The following DOCK10 variants were observed in gnomAD, a reference collection of about 807,000 sequenced individuals.
The protein encoded by DOCK10 is dedicator of cytokinesis protein 10.
In DOCK10, 145 loss-of-function variants were observed where a neutral mutation model predicts 280.1. The observed-to-expected ratio is 0.52, with a 90% CI of 0.45 to 0.59. The LOEUF is 0.59. DOCK10 is among the 20% of genes least tolerant of loss of function. The pLI is 0.00. For synonymous variants in DOCK10, 915 were observed against 942.2 expected (o/e 0.97, Z 0.53); for missense variants, 2,368 against 2,651.7 (o/e 0.89, Z 2.35).
intron 2 of DOCK10, among the ~76,000 whole-genome samples, chr2:224,926,195 G>A (rs1460439092): frequency 2.0e-5 from 3 of 152,188 alleles, no homozygotes; most frequent in Admixed American, 6.5e-5. Context: ...ATACAAGGAG[G>A]ACTAGCTTCT....
rs755172161 is a variant in DOCK10 at position 224,773,362 on chromosome 2, T to C, written c.6014-15A>G. ...CAGGTGACTCGCTGTACAAAAGCCA[T>C]ACAAAGGGATTTCAAGGTTGAGGAT... is the stretch of plus-strand genomic sequence containing the variant. On this transcript the variant is annotated splice_polypyrimidine_tract_variant and intron_variant, in intron 52 of 55. Coordinates refer to ENST00000258390, the MANE Select transcript of DOCK10 (RefSeq NM_014689.3). 9 of 1,596,456 alleles carry C rather than the reference T, an allele frequency of 5.6e-6. No homozygotes were observed. In the South Asian group the frequency reaches 8.9e-5, roughly 16 times the overall value.
At chr2:224,814,511 G>A in intron 30 of DOCK10, 147 bp from the exon 31 acceptor site, 2 of 443,028 alleles carry the variant, frequency 4.5e-6, no homozygotes, top group Middle Eastern at 5.9e-4. Context: ...CAAGGAGAAT[G>A]TCTTAGGTTA....
chr2:224,926,685 C>T (rs1310475042), intron 2 of DOCK10, among the ~76,000 whole-genome samples: 1 of 152,178 alleles, frequency 6.6e-6, no homozygotes, highest in African/African-American at 2.4e-5. Context: ...TGTGCCAAAG[C>T]AGGAAGTATT....
chr2:224,964,114 C>T (rs1184951336), intron 1 of DOCK10, among the ~76,000 whole-genome samples: 1 of 151,088 alleles, frequency 6.6e-6, no homozygotes, highest in Non-Finnish European at 1.5e-5. Context: ...AGGGTGTTAG[C>T]ACAGGTGAGA....
At chr2:224,774,762 T>G (rs1484406174) in intron 52 of DOCK10, 143 bp downstream of exon 52, 1 of 758,340 alleles carries the variant, frequency 1.3e-6, no homozygotes, top group East Asian at 2.7e-5. Flanking sequence ...GGAAATCTCT[T>G]CTTGGCAAAC....
At chr2:224,985,277 T>G (rs1705941775) in intron 1 of DOCK10, among the ~76,000 whole-genome samples, 1 of 152,028 alleles carries the variant, frequency 6.6e-6, no homozygotes, top group Non-Finnish European at 1.5e-5. Context: ...TTGTCTTAGA[T>G]TAGGAAATAA....
intron 13 of DOCK10, among the ~76,000 whole-genome samples, chr2:224,863,600 C>A (rs552457868): frequency 1.3e-5 from 2 of 152,152 alleles, no homozygotes; most frequent in African/African-American, 4.8e-5. Context: ...CTACAGGCGC[C>A]CGCCACCACG....
intron 7 of DOCK10, among the ~76,000 whole-genome samples, chr2:224,879,735 G>A (rs1000948468): frequency 1.3e-5 from 2 of 151,748 alleles, no homozygotes; most frequent in Non-Finnish European, 2.9e-5. Context: ...TCCCAGCCTG[G>A]GTGACAGAGC....
rs377561860 is a variant in DOCK10 at position 224,814,343 on chromosome 2, G to A, written c.3386C>T (p.Ser1129Leu). The change falls in exon 31 of 56, where the codon TCG becomes TTG. Residue 1129 changes from serine (S) to leucine (L), a missense_variant. By Grantham distance (145) the Ser-to-Leu change is moderately radical. Transcript: ENST00000258390. ...NIPDPLTPSE[S>L]TQELHASDMP... is the part of the protein sequence containing the mutation. ...ACCTGATGCATGTAACTCTTGAGTC[G>A]ATTCTGAAGGTGTCAAAGGATCTGA... 10 of 1,532,994 alleles carry A rather than the reference G, an allele frequency of 6.5e-6. No individual in the cohort carries two copies. The highest frequency in any genetic ancestry group is 8.8e-6 in the Non-Finnish European group (10 of 1,139,292). 95.0% of individuals were successfully genotyped at this position (1,532,994 alleles called of 1,614,324 possible). A position where few individuals can be genotyped will look rare whatever the true frequency, so the allele number is the denominator to read the frequency against.
At chr2:224,947,112 T>A (rs556476846) in intron 1 of DOCK10, 3 of 1,311,204 alleles carry the variant, frequency 2.3e-6, no homozygotes, top group Non-Finnish European at 3.0e-6. Context: ...AGGAAAGCTG[T>A]CAAGTTACCA....
intron 28 of DOCK10, among the ~76,000 whole-genome samples, chr2:224,820,662 C>A (rs1190662966): frequency 2.6e-5 from 4 of 152,166 alleles, no homozygotes; most frequent in Non-Finnish European, 5.9e-5. Flanking sequence ...GAGAGTGGAC[C>A]AAGAGCTCTA....
chr2:224,906,323 A>G lies in DOCK10; in HGVS notation c.334-9946T>C, dbSNP rs371994153. Among the ~76,000 whole-genome samples the G allele has an allele frequency of 2.6e-4, 40 of 152,290 alleles. 2 individuals are homozygous for G. The South Asian group carries it at 8.1e-3, about 31-fold the overall frequency. On this transcript the variant is annotated intron_variant, in intron 3 of 55. Coordinates refer to ENST00000258390, the MANE Select transcript of DOCK10 (RefSeq NM_014689.3). ...TTAGTACAGCTCTTTGTAATCATGC[A>G]TCTGGACTATTAAAACAAATAGTCT...
chr2:224,853,626 C>G (rs1696901328), intron 16 of DOCK10, among the ~76,000 whole-genome samples: 1 of 152,242 alleles, frequency 6.6e-6, no homozygotes, highest in African/African-American at 2.4e-5. Context: ...AAGCCCCTCT[C>G]TTCATCAGTA....
At chr2:224,808,917 T>C (rs1212121913) in intron 31 of DOCK10, among the ~76,000 whole-genome samples, 1 of 152,018 alleles carries the variant, frequency 6.6e-6, no homozygotes, top group Non-Finnish European at 1.5e-5. Flanking sequence ...CAACGTGATA[T>C]CTGGGCTGGG....
rs527362703 is a variant in DOCK10 at position 224,875,735 on chromosome 2, G to GCCC, written c.931+300_931+302dup. Among the ~76,000 whole-genome samples, 16 of 152,248 alleles carry GCCC rather than the reference G, an allele frequency of 1.1e-4. No homozygotes were observed. In the South Asian group the frequency reaches 2.5e-3, roughly 24 times the overall value. ...ATGAAAGGCTAAAATACCACAAAAT[G>GCCC]CCCCCTATAAGGTAATGTCCCATTG... is the stretch of plus-strand genomic sequence containing the variant. On this transcript the variant is annotated intron_variant, in intron 8 of 55. Transcript: ENST00000258390.
chr2:225,041,071 C>G (rs566499306), intron 1 of DOCK10, among the ~76,000 whole-genome samples: 1 of 152,254 alleles, frequency 6.6e-6, no homozygotes, highest in East Asian at 1.9e-4. Flanking sequence ...CCCTGGGCAC[C>G]CGATGCCTCT....
chr2:224,767,720 A>G (rs989138925), intron 55 of DOCK10, among the ~76,000 whole-genome samples: 4 of 152,126 alleles, frequency 2.6e-5, no homozygotes, highest in South Asian at 2.1e-4. Flanking sequence ...TTAAGATGGT[A>G]CTTTAGGATG....
chr2:225,016,500 T>C (rs1245298922), intron 1 of DOCK10, among the ~76,000 whole-genome samples: 4 of 149,624 alleles, frequency 2.7e-5, no homozygotes, highest in East Asian at 4.0e-4. Flanking sequence ...TATATGTGTA[T>C]ACATATATAT....
intron 1 of DOCK10, among the ~76,000 whole-genome samples, chr2:225,035,472 A>ATT (rs11462616): frequency 1.1e-3 from 155 of 138,566 alleles, no homozygotes; most frequent in Non-Finnish European, 2.0e-3. Context: ...TGATATCACC[A>ATT]TTTTTTTTAA....
Sources: allele counts gnomAD v4.1 joint callset (sites outside exome capture counted in the v4.1 genomes callset), GRCh38; gene constraint gnomAD v4.1.1; transcripts MANE v1.5; gene names NCBI Gene and HGNC (gene_info 2026-07-23, HGNC 2026-07-21).